SLC12A4: variants seen among roughly 807,000 people sequenced by gnomAD.
SLC12A4 encodes the protein electroneutral potassium-chloride cotransporter 1.
In SLC12A4, 84 loss-of-function variants were observed where a neutral mutation model predicts 119.2. The ratio of observed to expected loss-of-function variants is 0.70; its 90% CI spans 0.59 to 0.85. SLC12A4 has a LOEUF of 0.85. Among genes scored for constraint, SLC12A4 ranks in the 40% least tolerant of loss-of-function variants. The pLI, the probability that SLC12A4 is intolerant of heterozygous loss-of-function variation, is 0.00. For missense variants in SLC12A4, 1,298 were observed against 1,476.3 expected, an observed-to-expected ratio of 0.88 and a Z score of 1.98; for synonymous variants, 599 against 604.6, an observed-to-expected ratio of 0.99 and a Z score of 0.14.
rs1240211525 is a variant in SLC12A4, at chr16:67,947,099, C to T, written c.2079G>A (p.Gln693=). Residue 693 remains glutamine, a synonymous_variant, in exon 17 of 24, where the codon CAG becomes CAA. Transcript: ENST00000316341. ...GPPHTKNWRP[Q]LLVLLKLDED... Reference sequence around the variant, plus strand: ...CGTCCAGCTTCAGCAGCACCAGCAGCTGCGGCCTGCAGTGGCCGGGTGGGG... The same window carrying T: ...CGTCCAGCTTCAGCAGCACCAGCAGTTGCGGCCTGCAGTGGCCGGGTGGGG... The T allele has an allele frequency of 2.6e-5, 41 of 1,592,306 alleles. No homozygotes were observed. Among genetic ancestry groups the T allele is most frequent in the Non-Finnish European group, 3.3e-5 (39 of 1,172,084 alleles).
At position 67,945,135 on chromosome 16, in the gene SLC12A4, G is replaced by A; in HGVS notation, c.3118C>T (p.Leu1040Phe). ...CTGGGTGGGCCAGGCATGTTTAGGA[G>A]AACCAGGCGGGCGTCGTGGGAGCGC... is the stretch of plus-strand genomic sequence containing the variant. The part of the protein sequence containing the change: ...VTRSHDARLV[L>F]LNMPGPPRNS... Residue 1040 changes from leucine (L) to phenylalanine (F), a missense_variant, in exon 23 of 24, where the codon CTC (leucine) becomes TTC (phenylalanine). Physicochemically the swap from Leu to Phe is conservative, Grantham distance 22 (BLOSUM62 0). Transcript: ENST00000316341. 2 of 1,600,720 alleles carry A rather than the reference G, an allele frequency of 1.2e-6. No individual in the cohort carries two copies. The highest frequency in any genetic ancestry group is 1.7e-6 in the Non-Finnish European group (2 of 1,172,462).
Position 67,945,775 on chromosome 16 carries a change from G to T in SLC12A4, c.2836C>A (p.Arg946=). ...CAAAGGGCACTGACTTCTCGCTCCCGCTCAGTCTTGGTCAGTCTCATCTGC... is the reference window on the plus strand; with the variant it reads ...CAAAGGGCACTGACTTCTCGCTCCCTCTCAGTCTTGGTCAGTCTCATCTGC... The part of the protein sequence containing the change: ...LRQMRLTKTE[R]EREAQLVKDR... Residue 946 remains arginine, a synonymous_variant, in exon 21 of 24, where the codon CGG becomes AGG. Coordinates refer to ENST00000316341, the MANE Select transcript of SLC12A4 (RefSeq NM_005072.5). 1 of 1,613,230 alleles carries T rather than the reference G, an allele frequency of 6.2e-7. No individual in the cohort carries two copies. The highest frequency in any genetic ancestry group is 8.5e-7 in the Non-Finnish European group (1 of 1,179,844).
At chr16:67,959,863 C>A (rs149480690) in intron 3 of SLC12A4, among the ~76,000 whole-genome samples, 1 of 152,194 alleles carries the variant, frequency 6.6e-6, no homozygotes, top group Non-Finnish European at 1.5e-5. Flanking sequence ...ATGGTCTGGT[C>A]GGAGGCCCAC....
chr16:67,955,013 C>T lies in SLC12A4; in HGVS notation c.545-240G>A, dbSNP rs569234894. ...ACGGCCCGTGGAAATAACTGCTTTG[C>T]GGGAGCAGCTCTAGTCTGCAGCAGT... On this transcript the variant is annotated intron_variant, in intron 5 of 23. Coordinates refer to ENST00000316341, the MANE Select transcript of SLC12A4 (RefSeq NM_005072.5). 4.1e-3 allele frequency among the ~76,000 whole-genome samples: 622 copies of T among 152,310 alleles called. 6 individuals carry two copies. Among genetic ancestry groups the T allele is most frequent in the African/African-American group, 0.015 (605 of 41,562 alleles).
In SLC12A4 at chr16:67,954,674, A is replaced by G. The variant is rs200683329; in HGVS notation, c.644T>C (p.Met215Thr). The change falls in exon 6 of 24, where the codon ATG (methionine) becomes ACG (threonine). Residue 215 changes from methionine to threonine, a missense_variant. Physicochemically the swap from Met to Thr is moderately conservative, Grantham distance 81. Transcript: ENST00000316341. ...FYLGTTFAAAMYILGAIEILL... is the reference protein window; with the variant it reads ...FYLGTTFAAATYILGAIEILL... ...GATCTCGATGGCCCCCAGGATGTAC[A>G]TGGCTGCTGCGAATGTTGTTCCCAG... The G allele has an allele frequency of 3.3e-5, 54 of 1,614,102 alleles. No individual in the cohort carries two copies. The highest frequency in any genetic ancestry group is 1.7e-5 in the Admixed American group (1 of 60,006).
At chr16:67,947,863 A>G (rs2058370311) in intron 14 of SLC12A4, 75 bp from the exon 15 acceptor site, 1 of 1,527,264 alleles carries the variant, frequency 6.5e-7, no homozygotes, top group Non-Finnish European at 8.8e-7. Flanking sequence ...ATGCCCTGGT[A>G]GCCCTGTCAG....
At chr16:67,965,161 T>C (rs1207879751) in intron 1 of SLC12A4, among the ~76,000 whole-genome samples, 1 of 152,216 alleles carries the variant, frequency 6.6e-6, no homozygotes, top group African/African-American at 2.4e-5. Flanking sequence ...TCGGACACTC[T>C]ATGATATCTG....
chr16:67,963,350 A>T, intron 2 of SLC12A4, 115 bp downstream of exon 2: 1 of 612,336 alleles, frequency 1.6e-6, no homozygotes, highest in Non-Finnish European at 2.8e-6. Context: ...AGAACCAGGA[A>T]CACAAGAGGA....
Position 67,946,973 on chromosome 16 carries a change from G to C in SLC12A4, c.2205C>G (p.Phe735Leu), listed in dbSNP as rs777178401. 6.2e-7 allele frequency: 1 copy of C among 1,613,270 alleles called. No individual in the cohort carries two copies. The highest frequency in any genetic ancestry group is 8.5e-7 in the Non-Finnish European group (1 of 1,180,024). Residue 735 changes from phenylalanine to leucine, a missense_variant, in exon 17 of 24, where the codon TTC becomes TTG. Transcript: ENST00000316341. ...CCTGAGCCTCGCCATAGCTCTCCAA[G>C]AAGCTCCCCTGGATGACAGAACCAA... is the stretch of plus-strand genomic sequence containing the variant. ...TIVGSVIQGS[F>L]LESYGEAQAA...
In SLC12A4 at chr16:67,954,893, G is replaced by A. The variant is rs1187117587; in HGVS notation, c.545-120C>T. 3.2e-6 allele frequency: 4 copies of A among 1,265,016 alleles called. No homozygotes were observed. The African/African-American group carries it at 5.9e-5, about 19-fold the overall frequency. 78.4% of individuals were successfully genotyped at this position (1,265,016 alleles called of 1,614,324 possible). A position where few individuals can be genotyped will look rare whatever the true frequency, so the allele number is the denominator to read the frequency against. On this transcript the variant is annotated intron_variant, in intron 5 of 23. Transcript: ENST00000316341. ...GGGACTGCTTTTCCTGTTTGTGGAT[G>A]AGTAGAGGGGCTGGGAGACCTACCC...
Position 67,943,863 on chromosome 16 carries a change from G to T in SLC12A4, c.*977C>A. The T allele has an allele frequency of 7.6e-7, 1 of 1,316,434 alleles. No homozygotes were observed. The highest frequency in any genetic ancestry group is 1.0e-6 in the Non-Finnish European group (1 of 962,830). The allele number at this position is 1,316,434 out of a possible 1,614,324, so 81.5% of individuals were successfully genotyped here. On this transcript the variant is annotated 3_prime_UTR_variant, in exon 24 of 24. Coordinates refer to ENST00000316341, the MANE Select transcript of SLC12A4 (RefSeq NM_005072.5). The surrounding 1 kb of genome is among the most constrained non-coding windows in gnomAD (Gnocchi z 4.6). ...GTCGGGGCTTATGCAGGGCAGAAGG[G>T]CTTTGGCCAGGTCAGCTGCCAGGGG... is the stretch of plus-strand genomic sequence containing the variant.
Position 67,947,444 on chromosome 16 carries a change from T to A in SLC12A4, c.1968-9A>T. 1 of 1,610,506 alleles carries A rather than the reference T, an allele frequency of 6.2e-7. No individual in the cohort carries two copies. Among genetic ancestry groups the A allele is most frequent in the Non-Finnish European group, 8.5e-7 (1 of 1,178,680 alleles). On this transcript the variant is annotated splice_polypyrimidine_tract_variant and intron_variant, in intron 15 of 23. Coordinates refer to ENST00000316341, the MANE Select transcript of SLC12A4 (RefSeq NM_005072.5). ...CCCACTCCTTCTCAGCCCTGCAGAT[T>A]CCACCACAGCTGGTGAGCCCCTGGT...
At position 67,952,416 on chromosome 16, in the gene SLC12A4, C is replaced by A; in HGVS notation, c.685G>T (p.Ala229Ser). 1 of 1,614,002 alleles carries A rather than the reference C, an allele frequency of 6.2e-7. No individual in the cohort carries two copies. Among genetic ancestry groups the A allele is most frequent in the Non-Finnish European group, 8.5e-7 (1 of 1,179,892 alleles). The change falls in exon 7 of 24, where the codon GCC becomes TCC. Residue 229 changes from alanine (A) to serine (S), a missense_variant. Ala to Ser is a moderately conservative substitution (Grantham distance 99). Transcript: ENST00000316341. ...GGGTAAAAAATGGCAGCTGGTGGGG[C>A]AATGTAGGTCTGAAACAAGAAGATG... Reference protein sequence around the residue: ...GAIEILLTYIAPPAAIFYPSG... With the variant: ...GAIEILLTYISPPAAIFYPSG...
chr16:67,957,839 C>T (rs1328135339), intron 4 of SLC12A4, 43 bp from the exon 5 acceptor site: 1 of 1,613,982 alleles, frequency 6.2e-7, no homozygotes, highest in Non-Finnish European at 8.5e-7. Context: ...GCTGGGTGGG[C>T]TCTGTGGGGG....
rs2058392235 is a variant in SLC12A4, at chr16:67,949,765, T to C, written c.1748+35A>G. The stretch of plus-strand genomic sequence containing the variant: ...GAGGTGCTGGGGTTCAGGAAGCCTT[T>C]CCCCATCCCCCTGCCCTGCCCGGCC... On this transcript the variant is annotated intron_variant, in intron 13 of 23. Transcript: ENST00000316341. The surrounding 1 kb of genome is among the most constrained non-coding windows in gnomAD (Gnocchi z 4.6). 4.1e-6 allele frequency: 6 copies of C among 1,455,532 alleles called. No homozygotes were observed. Among genetic ancestry groups the C allele is most frequent in the African/African-American group, 1.4e-5 (1 of 70,020 alleles). The allele number at this position is 1,455,532 out of a possible 1,614,324, so 90.2% of individuals were successfully genotyped here.
Position 67,945,532 on chromosome 16 carries a change from G to A in SLC12A4, c.2869C>T (p.His957Tyr). The A allele has an allele frequency of 6.2e-7, 1 of 1,613,778 alleles. No individual in the cohort carries two copies. The highest frequency in any genetic ancestry group is 8.5e-7 in the Non-Finnish European group (1 of 1,179,900). Reference protein sequence around the residue: ...EREAQLVKDRHSALRLESLYS... With the variant: ...EREAQLVKDRYSALRLESLYS... ...AGGCTCTCCAGCCGCAGGGCCGAGT[G>A]CCGATCCTTGACCAGCTGGGCCTGA... Residue 957 changes from histidine to tyrosine, a missense_variant, in exon 22 of 24, where the codon CAC (histidine) becomes TAC (tyrosine). Physicochemically the swap from His to Tyr is moderately conservative, Grantham distance 83 (BLOSUM62 2). Transcript: ENST00000316341.
In SLC12A4 at chr16:67,951,336, G is replaced by GC; in HGVS notation, c.1133-33dup. The GC allele has an allele frequency of 6.3e-7, 1 of 1,597,824 alleles. No individual in the cohort carries two copies. Among genetic ancestry groups the GC allele is most frequent in the Non-Finnish European group, 8.5e-7 (1 of 1,170,474 alleles). ...GGGTAGCTGTGTCACCACCACAGCT[G>GC]CCCCCCACTACCCCAGGTAGTTTGG... On this transcript the variant is annotated intron_variant, in intron 8 of 23. Transcript: ENST00000316341. This position sits in a 1 kb window ranked among gnomAD's most constrained non-coding sequence, Gnocchi z 5.2.
At chr16:67,959,289 C>T (rs1349775778) in intron 3 of SLC12A4, among the ~76,000 whole-genome samples, 1 of 152,168 alleles carries the variant, frequency 6.6e-6, no homozygotes, top group Admixed American at 6.5e-5. Context: ...GAAGTGTGGC[C>T]CTGACAGCTT....
In SLC12A4 at chr16:67,951,992, G is replaced by A; in HGVS notation, c.963C>T (p.Asp321=). 1 of 1,614,122 alleles carries A rather than the reference G, an allele frequency of 6.2e-7. No individual in the cohort carries two copies. The highest frequency in any genetic ancestry group is 1.7e-5 in the Admixed American group (1 of 60,022). Reference sequence around the variant, plus strand: ...CCACTACAGCTGTCTTGGCACAGATGTCAAACTGGTCCCGGGACAGGGTCC... The same window carrying A: ...CCACTACAGCTGTCTTGGCACAGATATCAAACTGGTCCCGGGACAGGGTCC... The part of the protein sequence containing the change: ...GNRTLSRDQF[D]ICAKTAVVDN... The change falls in exon 8 of 24, where the codon GAC becomes GAT. Residue 321 remains aspartate, a synonymous_variant. Coordinates refer to ENST00000316341, the MANE Select transcript of SLC12A4 (RefSeq NM_005072.5). The surrounding 1 kb of genome is among the most constrained non-coding windows in gnomAD (Gnocchi z 5.2).
Sources: gnomAD v4.1 joint callset for allele counts (sites outside exome capture counted in the v4.1 genomes callset) on GRCh38, gnomAD v4.1.1 for gene constraint, Gnocchi (gnomAD v3.1) non-coding constraint, MANE v1.5 for transcripts, NCBI Gene and HGNC (gene_info 2026-07-23, HGNC 2026-07-21) for gene names.